Variants in ELF4 observed in about 807,000 individuals in gnomAD.
The protein encoded by ELF4 is ETS-related transcription factor Elf-4.
Under a neutral mutation model 31.7 loss-of-function variants are expected in ELF4, and 10 were observed. The ratio of observed to expected loss-of-function variants is 0.32; its 90% CI spans 0.19 to 0.54. The LOEUF is 0.54. ELF4 is among the 20% of genes least tolerant of loss of function. ELF4 has a pLI of 0.95. For synonymous variants in ELF4, 208 were observed against 226.7 expected (o/e 0.92, Z 0.74); for missense variants, 418 against 522.0 (o/e 0.80, Z 1.94).
At chrX:130,076,249 A>G (rs966835455) in intron 2 of ELF4, among the ~76,000 whole-genome samples, 1 of 111,280 alleles carries the variant, frequency 9.0e-6, no homozygotes, top group African/African-American at 3.3e-5. Context: ...TAGAGGCTGC[A>G]TGTGGTGGCT....
chrX:130,087,809 G>A (rs1456907777), intron 1 of ELF4, among the ~76,000 whole-genome samples: 1 of 112,165 alleles, frequency 8.9e-6, no homozygotes, highest in African/African-American at 3.2e-5. Flanking sequence ...TTACTCTGGG[G>A]CTGTGGTAGT....
At chrX:130,090,723 T>C (rs188240119) in intron 1 of ELF4, among the ~76,000 whole-genome samples, 1 of 112,789 alleles carries the variant, frequency 8.9e-6, no homozygotes, top group African/African-American at 3.2e-5. Context: ...GGTCCATTTT[T>C]AGACGGCCCA....
At position 130,067,017 on chromosome X, in the gene ELF4, G is replaced by A. The variant is rs1361130568; in HGVS notation, c.1696C>T (p.Leu566=). The A allele has an allele frequency of 1.7e-6, 2 of 1,210,945 alleles. No individual in the cohort carries two copies. The highest frequency in any genetic ancestry group is 1.7e-5 in the African/African-American group (1 of 57,463). The change falls in exon 9 of 9, where the codon CTG becomes TTG. Residue 566 remains leucine, a synonymous_variant. Coordinates refer to ENST00000308167, the MANE Select transcript of ELF4 (RefSeq NM_001421.4). The stretch of plus-strand genomic sequence containing the variant: ...GCCTGATCTCTCAGGAGCTCCCTCA[G>A]GGTCTCTTCAGGAACCAGCAGCCCC... ...MEGLLVPEET[L]RELLRDQAHL...
chrX:130,105,819 C>A (rs1416205677), intron 1 of ELF4, among the ~76,000 whole-genome samples: 2 of 108,134 alleles, frequency 1.8e-5, no homozygotes, highest in Admixed American at 9.9e-5. Flanking sequence ...AAGTGCCCTA[C>A]GTCTCCCCTG....
intron 3 of ELF4, 82 bp downstream of exon 3, chrX:130,074,499 T>C: frequency 8.5e-7 from 1 of 1,174,352 alleles, no homozygotes. Context: ...ACGGGGTTAC[T>C]AGAGGCCATT....
intron 1 of ELF4, among the ~76,000 whole-genome samples, chrX:130,082,236 AGG>A (rs1932897057): frequency 9.0e-6 from 1 of 110,529 alleles, no homozygotes; most frequent in South Asian, 3.8e-4. Flanking sequence ...CCCTGCTCTC[AGG>A]GATGGGACTC....
chrX:130,095,728 C>T (rs1451900169), intron 1 of ELF4, among the ~76,000 whole-genome samples: 1 of 111,905 alleles, frequency 8.9e-6, no homozygotes, highest in African/African-American at 3.3e-5. Flanking sequence ...GATGTGGAGG[C>T]CGACTCTTCC....
At chrX:130,083,832 C>CTGGATGGA (rs773641555) in intron 1 of ELF4, among the ~76,000 whole-genome samples, 540 of 103,223 alleles carry the variant, frequency 5.2e-3, no homozygotes, top group African/African-American at 0.012. Flanking sequence ...GGATGGATGG[C>CTGGATGGA]TGGATGGATG....
upstream of ELF4, among the ~76,000 whole-genome samples, chrX:130,111,841 C>T (rs1437154259): frequency 8.9e-6 from 1 of 112,047 alleles, no homozygotes; most frequent in Non-Finnish European, 1.9e-5. Flanking sequence ...ACATCAATAC[C>T]GCCGCCTACG....
chrX:130,074,510 G>T, intron 3 of ELF4, 71 bp downstream of exon 3: 2 of 1,189,026 alleles, frequency 1.7e-6, no homozygotes, highest in South Asian at 3.6e-5. Context: ...AGAGGCCATT[G>T]TGGGCTGCTG....
Position 130,067,236 on chromosome X carries a change from C to A in ELF4, c.1477G>T (p.Ala493Ser). The A allele has an allele frequency of 8.3e-7, 1 of 1,211,975 alleles. No homozygotes were observed. Among genetic ancestry groups the A allele is most frequent in the African/African-American group, 1.7e-5 (1 of 57,957 alleles). ...GGCGCCGGGTTGGTCGGACGGTTGG[C>A]CCCAGCCAGAAGTTGGGGGAGGCCA... ...LSGLPQLLAG[A>S]NRPTNPAPPT... Residue 493 changes from alanine to serine, a missense_variant, in exon 9 of 9, where the codon GCC (alanine) becomes TCC (serine). Coordinates refer to ENST00000308167, the MANE Select transcript of ELF4 (RefSeq NM_001421.4).
chrX:130,089,935 C>T (rs1345319844), intron 1 of ELF4, among the ~76,000 whole-genome samples: 1 of 111,140 alleles, frequency 9.0e-6, no homozygotes, highest in Non-Finnish European at 1.9e-5. Context: ...TCTGTCTCTA[C>T]TAAAAAATAC....
chrX:130,102,853 TGAGAGAGA>T (rs748191970), intron 1 of ELF4, among the ~76,000 whole-genome samples: 112 of 58,486 alleles, frequency 1.9e-3, no homozygotes, highest in East Asian at 8.4e-3. Context: ...AAGATAAAGA[TGAGAGAGA>T]GAGAGAGAGA....
chrX:130,081,801 G>A (rs1343580360), intron 1 of ELF4, among the ~76,000 whole-genome samples: 1 of 112,015 alleles, frequency 8.9e-6, no homozygotes. Flanking sequence ...CACCAGCATC[G>A]GCATCTCGCA....
At chrX:130,107,079 C>T (rs186216341) in intron 1 of ELF4, among the ~76,000 whole-genome samples, 60 of 111,568 alleles carry the variant, frequency 5.4e-4, no homozygotes, top group Admixed American at 3.1e-3. Flanking sequence ...AGTTCAAGAC[C>T]AGCCTGGCCA....
chrX:130,106,334 C>A (rs909208648), intron 1 of ELF4, among the ~76,000 whole-genome samples: 2 of 110,963 alleles, frequency 1.8e-5, no homozygotes, highest in Non-Finnish European at 3.8e-5. Flanking sequence ...GTGTCTTAGT[C>A]ATCTCTTCCC....
chrX:130,107,705 G>A (rs2124635931), intron 1 of ELF4, among the ~76,000 whole-genome samples: 1 of 112,634 alleles, frequency 8.9e-6, no homozygotes, highest in Admixed American at 9.4e-5. Flanking sequence ...CGCTGCATTA[G>A]GCAATATCGT....
chrX:130,078,107 G>A (rs1324654980), intron 2 of ELF4, among the ~76,000 whole-genome samples: 3 of 60,895 alleles, frequency 4.9e-5, no homozygotes, highest in Non-Finnish European at 9.1e-5. Context: ...GAGTGCAATG[G>A]CTCGATCTCG....
chrX:130,099,857 T>C (rs764824182), intron 1 of ELF4, among the ~76,000 whole-genome samples: 16 of 111,272 alleles, frequency 1.4e-4, no homozygotes, highest in Non-Finnish European at 2.8e-4. Flanking sequence ...GGCTGGTCTC[T>C]AACTCCTGAC....
Sources: allele counts gnomAD v4.1 joint callset (sites outside exome capture counted in the v4.1 genomes callset), GRCh38; gene constraint gnomAD v4.1.1; transcripts MANE v1.5; gene names NCBI Gene and HGNC (gene_info 2026-07-23, HGNC 2026-07-21).